Variants in CEP164 observed in about 807,000 individuals in gnomAD.
CEP164 encodes the protein centrosomal protein of 164 kDa.
In CEP164, 162 loss-of-function variants were observed where a neutral mutation model predicts 182.7. The ratio of observed to expected loss-of-function variants is 0.89; its 90% CI spans 0.78 to 1.01. The LOEUF (loss-of-function observed/expected upper bound fraction) is 1.01, where lower values mean the gene tolerates loss of function less well. CEP164 is among the 50% of genes least tolerant of loss of function. The probability of loss-of-function intolerance (pLI) is 0.00; values close to 1 mark genes in which losing one functional copy is unlikely to be tolerated. For missense variants in CEP164, 1,735 were observed against 1,790.4 expected (o/e 0.97, Z 0.56); for synonymous variants, 661 against 690.0 (o/e 0.96, Z 0.66).
chr11:117,371,410 A>G lies in CEP164; in HGVS notation c.1096A>G (p.Lys366Glu). ...GGGTTCCAGGAGGGAAGAGGCAGCC[A>G]AGGAGCCAAAGAAGAAGGCTTCTGC... ...EEGSRREEAA[K>E]EPKKKASALE... Residue 366 changes from lysine to glutamate, a missense_variant, in exon 9 of 33, where the codon AAG becomes GAG. Coordinates refer to ENST00000278935, the MANE Select transcript of CEP164 (RefSeq NM_014956.5). 1 of 1,614,114 alleles carries G rather than the reference A, an allele frequency of 6.2e-7. No individual in the cohort carries two copies. The highest frequency in any genetic ancestry group is 8.5e-7 in the Non-Finnish European group (1 of 1,179,988).
At chr11:117,364,100 C>G (rs1282400047) in intron 8 of CEP164, 1 of 152,164 alleles carries the variant, frequency 6.6e-6, no homozygotes. Context: ...GCTTTCCCTA[C>G]CATGTATCCT....
chr11:117,331,981 AAT>A (rs56696952), intron 1 of CEP164, among the ~76,000 whole-genome samples: 7,166 of 142,200 alleles, frequency 0.05, 238 homozygotes, highest in Non-Finnish European at 0.061. Context: ...ATGCCTGGCT[AAT>A]ATATATATAT....
intron 1 of CEP164, among the ~76,000 whole-genome samples, chr11:117,328,917 A>C (rs993661202): frequency 6.6e-5 from 10 of 152,150 alleles, no homozygotes; most frequent in African/African-American, 2.2e-4. Flanking sequence ...CCGAAGTTCA[A>C]GTCCTGTATT....
At chr11:117,352,307 G>T (rs2039743702) in intron 5 of CEP164, among the ~76,000 whole-genome samples, 1 of 152,154 alleles carries the variant, frequency 6.6e-6, no homozygotes, top group South Asian at 2.1e-4. Flanking sequence ...GGCATCTGCT[G>T]CTCTGGAGAG....
Position 117,409,309 on chromosome 11 carries a change from GGCTTTTCTCTCTCAGCT to G in CEP164, c.3748+284_3749-290del. 1.7e-6 allele frequency: 1 copy of G among 577,242 alleles called. No individual in the cohort carries two copies. The allele number at this position is 577,242 out of a possible 1,614,324, so 35.8% of individuals were successfully genotyped here. A position where few individuals can be genotyped will look rare whatever the true frequency, so the allele number is the denominator to read the frequency against. ...TTCTCTTCCAGGGCCTCCTTGAGGAGGCTTTTCTCTCTCAGCTGCCCTGGCCTGTATGTGACAGAAGG... is the reference window on the plus strand; with the variant it reads ...TTCTCTTCCAGGGCCTCCTTGAGGAGGCCCTGGCCTGTATGTGACAGAAGG... On this transcript the variant is annotated intron_variant, in intron 29 of 32. Transcript: ENST00000278935. This position sits in a 1 kb window ranked among gnomAD's most constrained non-coding sequence, Gnocchi z 4.4.
intron 13 of CEP164, among the ~76,000 whole-genome samples, chr11:117,382,567 G>C (rs1387575106): frequency 6.6e-6 from 1 of 152,070 alleles, no homozygotes; most frequent in Non-Finnish European, 1.5e-5. Context: ...GAGCTCCTGG[G>C]GTACCATAAC....
chr11:117,365,616 G>A (rs530585323), intron 8 of CEP164, among the ~76,000 whole-genome samples: 3 of 151,822 alleles, frequency 2.0e-5, no homozygotes, highest in Admixed American at 1.3e-4. Flanking sequence ...TCTCACTCTT[G>A]TCCCCCAGGC....
chr11:117,393,193 ACACATGCACACACACATGCACG>A (rs1438903289), intron 20 of CEP164, 67 bp downstream of exon 20: 22 of 1,566,004 alleles, frequency 1.4e-5, no homozygotes, highest in Non-Finnish European at 1.8e-5. Flanking sequence ...ACATGCACAC[ACACATGCACACACACATGCACG>A]CACATGCACA....
At chr11:117,332,525 G>C (rs1339715081) in intron 1 of CEP164, among the ~76,000 whole-genome samples, 1 of 152,114 alleles carries the variant, frequency 6.6e-6, no homozygotes, top group Non-Finnish European at 1.5e-5. Context: ...GCAGTGAGCC[G>C]AGATCGCACC....
intron 5 of CEP164, among the ~76,000 whole-genome samples, chr11:117,361,233 C>CTTTT (rs71469129): frequency 3.3e-5 from 3 of 90,198 alleles, no homozygotes; most frequent in South Asian, 4.0e-4. Flanking sequence ...CTGCGCCTGG[C>CTTTT]TTTTTTTTTT....
chr11:117,404,886 C>T (rs1046479256), intron 27 of CEP164, among the ~76,000 whole-genome samples: 3 of 152,208 alleles, frequency 2.0e-5, no homozygotes, highest in Non-Finnish European at 2.9e-5. Context: ...AGTCTGGCTA[C>T]AGTGGCTTTG....
At chr11:117,379,201 T>G (rs1333553282) in intron 11 of CEP164, among the ~76,000 whole-genome samples, 1 of 152,212 alleles carries the variant, frequency 6.6e-6, no homozygotes, top group African/African-American at 2.4e-5. Context: ...GCCCTTCTGC[T>G]ACAGGCACCG....
At chr11:117,347,029 GT>G (rs1449711070) in intron 4 of CEP164, among the ~76,000 whole-genome samples, 2 of 151,942 alleles carry the variant, frequency 1.3e-5, no homozygotes, top group African/African-American at 4.8e-5. Flanking sequence ...CCCAACAATG[GT>G]TTGGTTTTAA....
rs2047240819 is a variant in CEP164, at chr11:117,410,598, C to CTT, written c.4097-230_4097-229insTT. The CTT allele has an allele frequency of 1.1e-5, 5 of 453,938 alleles. No individual in the cohort carries two copies. The East Asian group carries it at 1.4e-4, about 13-fold the overall frequency. The allele number at this position is 453,938 out of a possible 1,614,324, so 28.1% of individuals were successfully genotyped here. ...CTGAGGATTATGAAAAGCCATAAAA[C>CTT]AAGGCATTTGAGGGGAAACAAAATA... is the stretch of plus-strand genomic sequence containing the variant. On this transcript the variant is annotated intron_variant, in intron 30 of 32. Coordinates refer to ENST00000278935, the MANE Select transcript of CEP164 (RefSeq NM_014956.5).
At chr11:117,352,623 G>T (rs965094118) in intron 5 of CEP164, among the ~76,000 whole-genome samples, 3 of 152,196 alleles carry the variant, frequency 2.0e-5, no homozygotes, top group African/African-American at 7.2e-5. Flanking sequence ...GTCTCACTCT[G>T]TCACCCAGGC....
rs543425650 is a variant in CEP164 at position 117,403,672 on chromosome 11, C to T, written c.3502-4253C>T. 2.7e-4 allele frequency among the ~76,000 whole-genome samples: 41 copies of T among 152,216 alleles called. 1 individual carries two copies. Among genetic ancestry groups the T allele is most frequent in the African/African-American group, 9.4e-4 (39 of 41,510 alleles). On this transcript the variant is annotated intron_variant, in intron 27 of 32. Transcript: ENST00000278935. ...TCGAGGAGTATCTTTGTGGTGTTCT[C>T]TGTATTTCCTGAATTTGAATGTTGG...
chr11:117,363,318 C>A, intron 7 of CEP164, 111 bp from the exon 8 acceptor site: 1 of 717,992 alleles, frequency 1.4e-6, no homozygotes. Context: ...TGAAGCCCTG[C>A]CTGGGCCCGC....
intron 4 of CEP164, among the ~76,000 whole-genome samples, chr11:117,347,173 T>C (rs2039012419): frequency 6.6e-6 from 1 of 152,190 alleles, no homozygotes; most frequent in South Asian, 2.1e-4. Flanking sequence ...ATTTGACTAG[T>C]CTTATATTGA....
chr11:117,383,015 G>A, intron 14 of CEP164, 73 bp downstream of exon 14: 6 of 1,525,844 alleles, frequency 3.9e-6, no homozygotes, highest in Non-Finnish European at 5.3e-6. Context: ...ATTCACTCTT[G>A]GGTGGTGGGA....
Sources: allele counts gnomAD v4.1 joint callset (sites outside exome capture counted in the v4.1 genomes callset), GRCh38; gene constraint gnomAD v4.1.1; non-coding constraint Gnocchi (gnomAD v3.1); transcripts MANE v1.5; gene names NCBI Gene and HGNC (gene_info 2026-07-23, HGNC 2026-07-21).